The following NOX4 variants were observed in gnomAD, a reference collection of about 807,000 sequenced individuals.
NOX4 encodes the protein kidney oxidase-1.
NOX4 carries 69 observed loss-of-function variants against 87.6 expected under a neutral mutation model. The ratio of observed to expected loss-of-function variants is 0.79; its 90% CI spans 0.65 to 0.96. The LOEUF is 0.96. NOX4 is among the 40% of genes least tolerant of loss of function. The pLI, the probability that NOX4 is intolerant of heterozygous loss-of-function variation, is 0.00. For synonymous variants in NOX4, 275 were observed against 238.2 expected, an observed-to-expected ratio of 1.15 and a Z score of -1.42; for missense variants, 680 against 681.5, an observed-to-expected ratio of 1.00 and a Z score of 0.02.
chr11:89,550,643 GT>G, the NOX4 span, among the ~76,000 whole-genome samples: 1 of 152,002 alleles, frequency 6.6e-6, no homozygotes, highest in East Asian at 1.9e-4. Flanking sequence ...TGATGGGGTT[GT>G]TTTTTTCTTG....
At chr11:89,574,955 G>A in the NOX4 span, among the ~76,000 whole-genome samples, 1 of 152,182 alleles carries the variant, frequency 6.6e-6, no homozygotes, top group Admixed American at 6.5e-5. Flanking sequence ...AGGCAGAGGT[G>A]GATGATCACT....
the NOX4 span, among the ~76,000 whole-genome samples, chr11:89,565,546 C>G: frequency 4.6e-5 from 7 of 152,074 alleles, no homozygotes; most frequent in Admixed American, 2.6e-4. Flanking sequence ...ATATTAGGAA[C>G]TTTTTTTCTA....
At chr11:89,392,633 G>A (rs1235539946) in intron 11 of NOX4, among the ~76,000 whole-genome samples, 1 of 152,086 alleles carries the variant, frequency 6.6e-6, no homozygotes, top group Middle Eastern at 3.2e-3. Context: ...TGATGAACGT[G>A]TTAGAGTTTT....
chr11:89,528,421 G>A, the NOX4 span, among the ~76,000 whole-genome samples: 3 of 152,262 alleles, frequency 2.0e-5, no homozygotes, highest in African/African-American at 7.2e-5. Context: ...GGGGCCAGGA[G>A]CAGAATAATA....
intron 2 of NOX4, among the ~76,000 whole-genome samples, chr11:89,465,683 G>A (rs910895139): frequency 2.0e-5 from 3 of 152,184 alleles, no homozygotes; most frequent in African/African-American, 7.2e-5. Flanking sequence ...TAACTGGTGT[G>A]AGATGGTATC....
At chr11:89,465,015 G>A (rs528905218) in intron 2 of NOX4, among the ~76,000 whole-genome samples, 1 of 152,260 alleles carries the variant, frequency 6.6e-6, no homozygotes, top group African/African-American at 2.4e-5. Context: ...TATACTTTAA[G>A]TTCTGGGCTA....
the NOX4 span, among the ~76,000 whole-genome samples, chr11:89,560,996 C>CTCTCTCTCTATATATATATATATA: frequency 2.4e-5 from 1 of 40,822 alleles, no homozygotes; most frequent in African/African-American, 1.3e-4. Flanking sequence ...CTCTCTCTCT[C>CTCTCTCTCTATATATATATATATA]TATATATATA....
upstream of NOX4, among the ~76,000 whole-genome samples, chr11:89,501,419 G>A (rs1200280752): frequency 2.0e-5 from 3 of 151,944 alleles, no homozygotes; most frequent in Non-Finnish European, 2.9e-5. Flanking sequence ...ATTAAGTTAA[G>A]GGAAGGAAAG....
intron 11 of NOX4, among the ~76,000 whole-genome samples, chr11:89,391,138 C>T (rs1175373617): frequency 1.3e-5 from 2 of 152,090 alleles, no homozygotes; most frequent in Non-Finnish European, 2.9e-5. Flanking sequence ...ATGAATTCAT[C>T]TTTCAAAGGG....
chr11:89,576,643 T>C, the NOX4 span, among the ~76,000 whole-genome samples: 1 of 152,208 alleles, frequency 6.6e-6, no homozygotes, highest in Non-Finnish European at 1.5e-5. Flanking sequence ...TTGTCTTTAG[T>C]GTGACATTAT....
At chr11:89,583,972 G>A in the NOX4 span, among the ~76,000 whole-genome samples, 1 of 152,110 alleles carries the variant, frequency 6.6e-6, no homozygotes, top group Non-Finnish European at 1.5e-5. Context: ...CTGAAATTGA[G>A]TAATGGTTAA....
At chr11:89,537,898 T>G in the NOX4 span, among the ~76,000 whole-genome samples, 6 of 152,176 alleles carry the variant, frequency 3.9e-5, no homozygotes, top group Admixed American at 3.9e-4. Flanking sequence ...AAATCTCTAC[T>G]CCGTCTTCCT....
intron 2 of NOX4, among the ~76,000 whole-genome samples, chr11:89,462,861 C>T (rs1945532056): frequency 6.6e-6 from 1 of 151,682 alleles, no homozygotes; most frequent in African/African-American, 2.4e-5. Context: ...CAAAATAAAA[C>T]TATTTTTTTC....
At chr11:89,432,514 C>T (rs191277190) in intron 7 of NOX4, among the ~76,000 whole-genome samples, 27 of 152,120 alleles carry the variant, frequency 1.8e-4, no homozygotes, top group African/African-American at 6.0e-4. Flanking sequence ...CACTATCCTT[C>T]AAAAGATACT....
At chr11:89,523,178 C>A in the NOX4 span, among the ~76,000 whole-genome samples, 1 of 152,010 alleles carries the variant, frequency 6.6e-6, no homozygotes, top group South Asian at 2.1e-4. Context: ...CACGTGTCAC[C>A]AAACCTGGCT....
intron 12 of NOX4, among the ~76,000 whole-genome samples, chr11:89,359,650 C>G (rs1263850791): frequency 6.6e-6 from 1 of 151,926 alleles, no homozygotes; most frequent in Admixed American, 6.6e-5. Context: ...TTAACAGCAA[C>G]CTAAGAAAGA....
the NOX4 span, among the ~76,000 whole-genome samples, chr11:89,563,064 T>C: frequency 6.6e-6 from 1 of 152,158 alleles, no homozygotes; most frequent in East Asian, 1.9e-4. Flanking sequence ...TCTGCCATGA[T>C]TGTAAGTTTC....
At chr11:89,349,546 A>G (rs577174738) in intron 13 of NOX4, among the ~76,000 whole-genome samples, 4 of 152,278 alleles carry the variant, frequency 2.6e-5, no homozygotes, top group African/African-American at 9.6e-5. Flanking sequence ...GTAGCCCATT[A>G]GAAATGAGAT....
At chr11:89,384,055 T>G (rs372396290) in intron 11 of NOX4, among the ~76,000 whole-genome samples, 14 of 152,164 alleles carry the variant, frequency 9.2e-5, no homozygotes, top group Admixed American at 4.6e-4. Flanking sequence ...CTATAAACTC[T>G]CCTTACAATT....
Sources: allele counts gnomAD v4.1 joint callset (sites outside exome capture counted in the v4.1 genomes callset), GRCh38; gene constraint gnomAD v4.1.1; transcripts MANE v1.5; gene names NCBI Gene and HGNC (gene_info 2026-07-23, HGNC 2026-07-21).